The following RGPD2 variants were observed in gnomAD, a reference collection of about 807,000 sequenced individuals.
RGPD2 encodes the protein RANBP2-like and GRIP domain-containing protein 2.
A neutral mutation model predicts 36.0 loss-of-function variants in RGPD2; 2 were observed. The ratio of observed to expected loss-of-function variants is 0.06; its 90% CI spans 0.02 to 0.17. The LOEUF (loss-of-function observed/expected upper bound fraction) is 0.17. RGPD2 is among the 10% of genes least tolerant of loss of function. The pLI, the probability that RGPD2 is intolerant of heterozygous loss-of-function variation, is 1.00. For missense variants in RGPD2, 40 were observed against 464.3 expected (o/e 0.09, Z 8.40); for synonymous variants, 19 against 163.8 (o/e 0.12, Z 6.75).
chr2:87,971,660 G>A, the RGPD2 span, among the ~76,000 whole-genome samples: 8 of 149,600 alleles, frequency 5.3e-5, no homozygotes, highest in Non-Finnish European at 1.0e-4. Flanking sequence ...TACTTTTAAT[G>A]TTTACTCTCT....
the RGPD2 span, among the ~76,000 whole-genome samples, chr2:87,878,740 G>A: frequency 0.21 from 31,193 of 150,880 alleles, 2,610 homozygotes; most frequent in Non-Finnish European, 0.25. Flanking sequence ...CCATCCAAAC[G>A]CTTACCCCCA....
At chr2:87,813,302 C>T (rs1686177598) in intron 4 of RGPD2, among the ~76,000 whole-genome samples, 1 of 152,072 alleles carries the variant, frequency 6.6e-6, no homozygotes, top group South Asian at 2.1e-4. Context: ...CCCAAGCTAA[C>T]CGATTTCATT....
At chr2:87,906,787 T>C in the RGPD2 span, among the ~76,000 whole-genome samples, 1 of 148,640 alleles carries the variant, frequency 6.7e-6, no homozygotes, top group African/African-American at 2.5e-5. Flanking sequence ...TCCTAGCACT[T>C]TGGGAGGCTT....
intron 1 of RGPD2, among the ~76,000 whole-genome samples, chr2:87,822,093 C>T (rs1266624537): frequency 6.6e-6 from 1 of 152,262 alleles, no homozygotes; most frequent in African/African-American, 2.4e-5. Context: ...CTGATCAGCT[C>T]CAAATCTGTG....
chr2:87,934,523 T>A, the RGPD2 span, among the ~76,000 whole-genome samples: 1 of 148,846 alleles, frequency 6.7e-6, no homozygotes, highest in South Asian at 2.1e-4. Flanking sequence ...TTTTATGGAC[T>A]TGTTACAATA....
the RGPD2 span, among the ~76,000 whole-genome samples, chr2:87,888,389 A>G: frequency 6.8e-6 from 1 of 147,508 alleles, no homozygotes; most frequent in African/African-American, 2.5e-5. Context: ...TTTGGAATCA[A>G]AAATGGATTT....
the RGPD2 span, among the ~76,000 whole-genome samples, chr2:87,963,865 T>C: frequency 7.3e-6 from 1 of 136,806 alleles, no homozygotes; most frequent in Non-Finnish European, 1.5e-5. Context: ...AGACGGAGTT[T>C]CACTCTGTGG....
chr2:87,824,714 G>GGCCGCCGCCGCCGCCGCCGCC (rs1163205537), intron 1 of RGPD2, among the ~76,000 whole-genome samples: 1 of 78,520 alleles, frequency 1.3e-5, no homozygotes, highest in Non-Finnish European at 2.4e-5. Context: ...CCGAGGCCGA[G>GGCCGCCGCCGCCGCCGCCGCC]GCCGCCGCCG....
At chr2:87,824,944 G>GC (rs1686635103) in intron 1 of RGPD2, 1 of 378,106 alleles carries the variant, frequency 2.6e-6, no homozygotes, top group South Asian at 1.3e-4. Context: ...ACAGTGAAAT[G>GC]CCCCAACTAA....
the RGPD2 span, among the ~76,000 whole-genome samples, chr2:87,857,696 T>C: frequency 6.6e-6 from 1 of 150,474 alleles, no homozygotes; most frequent in Non-Finnish European, 1.5e-5. Context: ...CTCAGCACTT[T>C]GGGAGGCCAA....
chr2:87,963,817 CT>C, the RGPD2 span, among the ~76,000 whole-genome samples: 5 of 122,444 alleles, frequency 4.1e-5, no homozygotes, highest in South Asian at 1.5e-3. Context: ...AAGAGAGAAC[CT>C]TCTTTTCTTT....
At chr2:87,763,315 G>T (rs1339457436) in intron 22 of RGPD2, among the ~76,000 whole-genome samples, 1 of 150,116 alleles carries the variant, frequency 6.7e-6, no homozygotes, top group Non-Finnish European at 1.5e-5. Flanking sequence ...CTGCCAACAC[G>T]TCTGGCTAAT....
chr2:87,921,964 G>GT, the RGPD2 span, among the ~76,000 whole-genome samples: 3 of 150,904 alleles, frequency 2.0e-5, no homozygotes, highest in African/African-American at 7.5e-5. Context: ...TCAAGGTGAT[G>GT]TAAGTAGATC....
At chr2:87,763,070 C>T (rs1236146511) in intron 22 of RGPD2, among the ~76,000 whole-genome samples, 1 of 44,158 alleles carries the variant, frequency 2.3e-5, no homozygotes, top group East Asian at 6.7e-4. Context: ...AATTTCAGGG[C>T]TTAGCAGTGA....
At chr2:87,980,166 C>T in the RGPD2 span, among the ~76,000 whole-genome samples, 2 of 151,966 alleles carry the variant, frequency 1.3e-5, no homozygotes, top group Admixed American at 6.6e-5. Context: ...GCCTGGCCAA[C>T]ATGGTGAAAC....
At chr2:87,762,373 CT>C in intron 22 of RGPD2, among the ~76,000 whole-genome samples, 1 of 109,042 alleles carries the variant, frequency 9.2e-6, no homozygotes, top group South Asian at 3.4e-4. Flanking sequence ...AACCCCATCT[CT>C]GCTAAAAATA....
the RGPD2 span, among the ~76,000 whole-genome samples, chr2:87,929,149 C>T: frequency 2.0e-5 from 3 of 151,848 alleles, no homozygotes; most frequent in Non-Finnish European, 2.9e-5. Flanking sequence ...AATGATATTG[C>T]CTAAGTTGTC....
At chr2:87,940,177 TTC>T in the RGPD2 span, among the ~76,000 whole-genome samples, 3 of 148,524 alleles carry the variant, frequency 2.0e-5, no homozygotes, top group African/African-American at 7.8e-5. Context: ...GCAATATAAT[TTC>T]TCTCTGAACC....
the RGPD2 span, chr2:87,985,620 A>C: frequency 9.5e-7 from 1 of 1,050,704 alleles, no homozygotes; most frequent in Non-Finnish European, 1.4e-6. Context: ...TCATTCTATT[A>C]TTTTGAATAT....
Sources: allele counts gnomAD v4.1 joint callset (sites outside exome capture counted in the v4.1 genomes callset), GRCh38; gene constraint gnomAD v4.1.1; transcripts MANE v1.5; gene names NCBI Gene and HGNC (gene_info 2026-07-23, HGNC 2026-07-21).